RABGAP1L: variants seen among roughly 807,000 people sequenced by gnomAD.
RABGAP1L encodes RAB GTPase activating protein 1 like, also known as rab GTPase-activating protein 1-like.
In RABGAP1L, 63 loss-of-function variants were observed where a neutral mutation model predicts 137.7. The observed-to-expected ratio is 0.46, with a 90% CI of 0.37 to 0.56. The LOEUF (loss-of-function observed/expected upper bound fraction) is 0.56, where lower values mean the gene tolerates loss of function less well. RABGAP1L is among the 20% of genes least tolerant of loss of function. The pLI, the probability that RABGAP1L is intolerant of heterozygous loss-of-function variation, is 0.00. For missense variants in RABGAP1L, 1,095 were observed against 1,244.0 expected (o/e 0.88, Z 1.80); for synonymous variants, 431 against 433.7 (o/e 0.99, Z 0.08).
intron 11 of RABGAP1L, among the ~76,000 whole-genome samples, chr1:174,351,069 G>GGGGGGA (rs1167896547): frequency 3.6e-4 from 35 of 96,392 alleles, no homozygotes; most frequent in Non-Finnish European, 6.7e-4. Flanking sequence ...GGGAGACCGT[G>GGGGGGA]GGGGGAGGGG....
At chr1:174,244,487 G>A (rs962726091) in intron 5 of RABGAP1L, 3 of 152,204 alleles carry the variant, frequency 2.0e-5, no homozygotes, top group Non-Finnish European at 4.4e-5. Context: ...TGTGACACAA[G>A]GATTGGGAGG....
chr1:174,225,245 TTG>T (rs1670076920), intron 3 of RABGAP1L, among the ~76,000 whole-genome samples: 1 of 152,150 alleles, frequency 6.6e-6, no homozygotes, highest in Non-Finnish European at 1.5e-5. Flanking sequence ...TAAATTTACA[TTG>T]TTTTTTAAAG....
intron 13 of RABGAP1L, among the ~76,000 whole-genome samples, chr1:174,602,272 G>A (rs957808083): frequency 1.3e-5 from 2 of 152,216 alleles, no homozygotes; most frequent in African/African-American, 4.8e-5. Context: ...GAAGGCCTCA[G>A]AATCGCTGGG....
intron 7 of RABGAP1L, among the ~76,000 whole-genome samples, chr1:174,261,877 G>T (rs751547920): frequency 6.6e-6 from 1 of 152,114 alleles, no homozygotes; most frequent in Non-Finnish European, 1.5e-5. Context: ...GCAAAATAAA[G>T]AATTTTAGAT....
chr1:174,305,242 C>T, intron 11 of RABGAP1L, 115 bp downstream of exon 11: 2 of 1,071,558 alleles, frequency 1.9e-6, no homozygotes, highest in Non-Finnish European at 2.5e-6. Context: ...ACCTCTGTTA[C>T]CATTAGGCCA....
chr1:174,416,015 T>G (rs1265426985), intron 13 of RABGAP1L, among the ~76,000 whole-genome samples: 1 of 117,764 alleles, frequency 8.5e-6, no homozygotes, highest in Non-Finnish European at 1.6e-5. Context: ...CCCTAGAAAA[T>G]TTACATATAT....
chr1:174,705,942 T>G (rs1250082148), intron 17 of RABGAP1L, among the ~76,000 whole-genome samples: 11 of 152,178 alleles, frequency 7.2e-5, no homozygotes, highest in Non-Finnish European at 1.5e-5. Flanking sequence ...AGGTTACGAC[T>G]CAATGTTTAC....
intron 13 of RABGAP1L, among the ~76,000 whole-genome samples, chr1:174,428,370 G>A (rs553206529): frequency 1.3e-5 from 2 of 152,196 alleles, no homozygotes; most frequent in African/African-American, 4.8e-5. Flanking sequence ...GGGCATAACA[G>A]TTAAGACATT....
At chr1:174,862,022 G>C (rs1266352028) in intron 19 of RABGAP1L, among the ~76,000 whole-genome samples, 1 of 152,102 alleles carries the variant, frequency 6.6e-6, no homozygotes, top group Non-Finnish European at 1.5e-5. Flanking sequence ...TTGCCAAAAT[G>C]AGTGTAAAGG....
At chr1:174,619,078 G>A (rs1352495615) in intron 13 of RABGAP1L, among the ~76,000 whole-genome samples, 2 of 152,110 alleles carry the variant, frequency 1.3e-5, no homozygotes, top group Non-Finnish European at 2.9e-5. Flanking sequence ...AGCGAGAAGA[G>A]AAGTTTAGAG....
chr1:174,397,296 C>G (rs545573464), intron 13 of RABGAP1L, among the ~76,000 whole-genome samples: 1 of 152,206 alleles, frequency 6.6e-6, no homozygotes, highest in Non-Finnish European at 1.5e-5. Context: ...TGCGGGGAGG[C>G]AAAAGCCATA....
intron 13 of RABGAP1L, among the ~76,000 whole-genome samples, chr1:174,436,465 G>A (rs1571798575): frequency 6.6e-6 from 1 of 152,258 alleles, no homozygotes; most frequent in African/African-American, 2.4e-5. Flanking sequence ...TTTGAGAAGT[G>A]TCTGTTCATA....
intron 11 of RABGAP1L, among the ~76,000 whole-genome samples, chr1:174,349,607 C>T (rs7546357): frequency 0.14 from 16,944 of 120,078 alleles, 875 homozygotes; most frequent in Admixed American, 0.19. Flanking sequence ...ACCTCCCTCC[C>T]GGATGGGGCG....
At chr1:174,331,256 CTG>C (rs1553275044) in intron 11 of RABGAP1L, among the ~76,000 whole-genome samples, 54 of 152,290 alleles carry the variant, frequency 3.5e-4, no homozygotes, top group Non-Finnish European at 5.9e-5. Flanking sequence ...AGGAGAAACA[CTG>C]TAAGTGATTG....
chr1:174,250,563 C>A lies in RABGAP1L; in HGVS notation c.806C>A (p.Pro269His). ...GTTAAAGACTCAGTTATTCCTACCC[C>A]CGACAGTGATGTGTTTACCTTCAGT... ...SDVKDSVIPTPDSDVFTFSVS... is the reference protein window; with the variant it reads ...SDVKDSVIPTHDSDVFTFSVS... Residue 269 changes from proline to histidine, a missense_variant, in exon 6 of 26, where the codon CCC becomes CAC. Coordinates refer to ENST00000681986, the MANE Select transcript of RABGAP1L (RefSeq NM_001366446.1). The A allele has an allele frequency of 6.2e-7, 1 of 1,613,920 alleles. No homozygotes were observed. Among genetic ancestry groups the A allele is most frequent in the Non-Finnish European group, 8.5e-7 (1 of 1,179,882 alleles).
chr1:174,232,199 C>T (rs61828584), intron 4 of RABGAP1L, among the ~76,000 whole-genome samples: 13,629 of 152,126 alleles, frequency 0.09, 820 homozygotes, highest in East Asian at 0.22. Context: ...CTCAGCTGAA[C>T]CTTTAGTTTC....
chr1:174,266,883 C>T (rs141894325), intron 7 of RABGAP1L, among the ~76,000 whole-genome samples: 14 of 152,238 alleles, frequency 9.2e-5, no homozygotes, highest in African/African-American at 3.1e-4. Context: ...AGAAGATGCA[C>T]AGTCTTAGAA....
chr1:174,757,577 A>G (rs1684866039), intron 18 of RABGAP1L, among the ~76,000 whole-genome samples: 1 of 149,500 alleles, frequency 6.7e-6, no homozygotes, highest in Non-Finnish European at 1.5e-5. Flanking sequence ...ATATAAATGT[A>G]AAACAAAGCA....
chr1:174,574,483 A>G (rs1668217506), intron 13 of RABGAP1L, among the ~76,000 whole-genome samples: 1 of 152,176 alleles, frequency 6.6e-6, no homozygotes, highest in African/African-American at 2.4e-5. Context: ...CTTCGATGAA[A>G]CAGATAGAAA....
Sources: gnomAD v4.1 joint callset for allele counts (sites outside exome capture counted in the v4.1 genomes callset) on GRCh38, gnomAD v4.1.1 for gene constraint, MANE v1.5 for transcripts, NCBI Gene and HGNC (gene_info 2026-07-23, HGNC 2026-07-21) for gene names.